CELSR3: variants seen among roughly 807,000 people sequenced by gnomAD.
The protein encoded by CELSR3 is EGF-like protein 1.
CELSR3 carries 73 observed loss-of-function variants against 270.0 expected under a neutral mutation model. The observed-to-expected ratio is 0.27, with a 90% CI of 0.22 to 0.33. CELSR3 has a LOEUF of 0.33. CELSR3 is among the 10% of genes least tolerant of loss of function. The pLI is 1.00. For synonymous variants in CELSR3, 1,780 were observed against 1,905.4 expected (o/e 0.93, Z 1.71); for missense variants, 3,614 against 4,533.8 (o/e 0.80, Z 5.83).
chr3:48,650,436 C>A lies in CELSR3; in HGVS notation c.6472+44G>T, dbSNP rs1368215771. Reference sequence around the variant, plus strand: ...ATGGCTCTAGCAGTCAGAGTACAGGCCCACCCCCACCCTCAGTGATGTCCT... The same window carrying A: ...ATGGCTCTAGCAGTCAGAGTACAGGACCACCCCCACCCTCAGTGATGTCCT... On this transcript the variant is annotated intron_variant, in intron 16 of 34. Coordinates refer to ENST00000164024, the MANE Select transcript of CELSR3 (RefSeq NM_001407.3). The surrounding 1 kb of genome is among the most constrained non-coding windows in gnomAD (Gnocchi z 5.1). 5.3e-6 allele frequency: 3 copies of A among 568,232 alleles called. No homozygotes were observed. The highest frequency in any genetic ancestry group is 4.9e-5 in the East Asian group (1 of 20,456). The allele number at this position is 568,232 out of a possible 1,614,324, so 35.2% of individuals were successfully genotyped here.
chr3:48,642,433 C>A lies in CELSR3; in HGVS notation c.8590G>T (p.Asp2864Tyr). Residue 2864 changes from aspartate to tyrosine, a missense_variant, in exon 31 of 35, where the codon GAC becomes TAC. Physicochemically the swap from Asp to Tyr is radical, Grantham distance 160. Around this residue, in one of 7 missense-constraint regions of CELSR3, gnomAD observed 1,240 missense variants for 1,351.7 expected, o/e 0.92. Transcript: ENST00000164024. The surrounding 1 kb of genome is among the most constrained non-coding windows in gnomAD (Gnocchi z 6.1). ...NVLVRHGSAA[D>Y]HTDHSLQAHA... ...GCCTGGAGGCTGTGGTCAGTGTGGT[C>A]AGCGGCTGAGCCATGTCGAACCAGG... The A allele has an allele frequency of 6.2e-7, 1 of 1,613,130 alleles. No homozygotes were observed. Among genetic ancestry groups the A allele is most frequent in the South Asian group, 1.1e-5 (1 of 91,032 alleles).
chr3:48,653,184 C>G lies in CELSR3; in HGVS notation c.5452G>C (p.Asp1818His). ...ACTGTCACAGACAGTAACCCCCGAT[C>G]TAGCTGTGGGCAGAGATGCATAGCC... ...GPHSTLLCQL[D>H]RGLLSVTVTR... is the part of the protein sequence containing the mutation. The change falls in exon 10 of 35, where the codon GAT (aspartate) becomes CAT (histidine). Residue 1818 changes from aspartate (D) to histidine (H), a missense_variant. Coordinates refer to ENST00000164024, the MANE Select transcript of CELSR3 (RefSeq NM_001407.3). This position sits in a 1 kb window ranked among gnomAD's most constrained non-coding sequence, Gnocchi z 6.5. 6.2e-7 allele frequency: 1 copy of G among 1,612,966 alleles called. No individual in the cohort carries two copies. Among genetic ancestry groups the G allele is most frequent in the Non-Finnish European group, 8.5e-7 (1 of 1,179,854 alleles).
rs757936835 is a variant in CELSR3 at position 48,647,870 on chromosome 3, G to T, written c.7100C>A (p.Ser2367Tyr). The T allele has an allele frequency of 6.2e-7, 1 of 1,611,206 alleles. No homozygotes were observed. The highest frequency in any genetic ancestry group is 8.5e-7 in the Non-Finnish European group (1 of 1,179,590). Residue 2367 changes from serine (S) to tyrosine (Y), a missense_variant, in exon 20 of 35, where the codon TCC (serine) becomes TAC (tyrosine). This residue lies in a region of CELSR3 where 1,240 missense variants were observed against 1,351.7 expected (regional missense o/e 0.92). Coordinates refer to ENST00000164024, the MANE Select transcript of CELSR3 (RefSeq NM_001407.3). ...AGATGGGGATGGCCGTGGGGACTGG[G>T]AAGGCAGCAGCACATGGGTGTGAGG... ...WDPHTHVLLP[S>Y]QSPRPSPSEV... is the part of the protein sequence containing the mutation.
In CELSR3 at chr3:48,642,090, G is replaced by T; in HGVS notation, c.8666-81C>A. 2 of 1,374,120 alleles carry T rather than the reference G, an allele frequency of 1.5e-6. No individual in the cohort carries two copies. The highest frequency in any genetic ancestry group is 2.0e-6 in the Non-Finnish European group (2 of 1,020,938). 85.1% of individuals were successfully genotyped at this position (1,374,120 alleles called of 1,614,324 possible). A position where few individuals can be genotyped will look rare whatever the true frequency, so the allele number is the denominator to read the frequency against. On this transcript the variant is annotated intron_variant, in intron 31 of 34. Transcript: ENST00000164024. This position sits in a 1 kb window ranked among gnomAD's most constrained non-coding sequence, Gnocchi z 6.1. ...AATTTGGAGTTGAGGGTCTAGAGGT[G>T]GGTACGGCAAGGGGGTTAGGGTTGG...
chr3:48,652,404 T>C lies in CELSR3; in HGVS notation c.5751+33A>G. 2 of 1,520,068 alleles carry C rather than the reference T, an allele frequency of 1.3e-6. No homozygotes were observed. Among genetic ancestry groups the C allele is most frequent in the Non-Finnish European group, 1.8e-6 (2 of 1,094,512 alleles). The allele number at this position is 1,520,068 out of a possible 1,614,324, so 94.2% of individuals were successfully genotyped here. On this transcript the variant is annotated intron_variant, in intron 11 of 34. Transcript: ENST00000164024. The surrounding 1 kb of genome is among the most constrained non-coding windows in gnomAD (Gnocchi z 4.3). ...CCTGACTTCTGACCCCTGACCCTAA[T>C]GCCCCATATCACATTCCCATGCTGA...
chr3:48,641,089 A>G lies in CELSR3; in HGVS notation c.9025+235T>C. The G allele has an allele frequency of 1.8e-6, 1 of 552,120 alleles. No individual in the cohort carries two copies. The allele number at this position is 552,120 out of a possible 1,614,324, so 34.2% of individuals were successfully genotyped here. ...TGAAAAACAGATGGGCTGGGGCAGG[A>G]GTGGTCGCCTGTGGTCCCCCTGTGG... On this transcript the variant is annotated intron_variant, in intron 33 of 34. Coordinates refer to ENST00000164024, the MANE Select transcript of CELSR3 (RefSeq NM_001407.3). This position sits in a 1 kb window ranked among gnomAD's most constrained non-coding sequence, Gnocchi z 4.8.
Position 48,657,170 on chromosome 3 carries a change from G to T in CELSR3, c.3927C>A (p.Asp1309Glu). The T allele has an allele frequency of 1.2e-6, 2 of 1,613,982 alleles. No homozygotes were observed. The highest frequency in any genetic ancestry group is 1.7e-6 in the Non-Finnish European group (2 of 1,179,948). The change falls in exon 2 of 35, where the codon GAC becomes GAA. Residue 1309 changes from aspartate to glutamate, a missense_variant. By Grantham distance (45) the Asp-to-Glu change is conservative (BLOSUM62 2). Around this residue, in one of 7 missense-constraint regions of CELSR3, gnomAD observed 1,331 missense variants for 1,933.7 expected, o/e 0.69. Coordinates refer to ENST00000164024, the MANE Select transcript of CELSR3 (RefSeq NM_001407.3). This position sits in a 1 kb window ranked among gnomAD's most constrained non-coding sequence, Gnocchi z 5.4. ...VAAVLATPAEDVFIFNIQNDT... is the reference protein window; with the variant it reads ...VAAVLATPAEEVFIFNIQNDT... ...CGTTCTGGATGTTGAAGATGAAGAC[G>T]TCCTCAGCGGGCGTAGCGAGCACCG... is the stretch of plus-strand genomic sequence containing the variant.
Position 48,639,026 on chromosome 3 carries a change from A to C in CELSR3, c.9911+648T>G, listed in dbSNP as rs2046999049. Among the ~76,000 whole-genome samples the C allele has an allele frequency of 6.6e-6, 1 of 151,634 alleles. No individual in the cohort carries two copies. The highest frequency in any genetic ancestry group is 2.4e-5 in the African/African-American group (1 of 41,198). On this transcript the variant is annotated intron_variant, in intron 34 of 34. Transcript: ENST00000164024. This position sits in a 1 kb window ranked among gnomAD's most constrained non-coding sequence, Gnocchi z 4.1. ...CTCCTGGTTCCTCCCCACTCCCACC[A>C]GTCCCTCTCGGACTCCTGTGTATCC... is the stretch of plus-strand genomic sequence containing the variant.
At position 48,640,892 on chromosome 3, in the gene CELSR3, A is replaced by C; in HGVS notation, c.9026-333T>G. 1 of 423,700 alleles carries C rather than the reference A, an allele frequency of 2.4e-6. No homozygotes were observed. The allele number at this position is 423,700 out of a possible 1,614,324, so 26.2% of individuals were successfully genotyped here. A position where few individuals can be genotyped will look rare whatever the true frequency, so the allele number is the denominator to read the frequency against. On this transcript the variant is annotated intron_variant, in intron 33 of 34. Transcript: ENST00000164024. This position sits in a 1 kb window ranked among gnomAD's most constrained non-coding sequence, Gnocchi z 7.5. ...ATGCAGGCCTGGCTGAAATGCAGGAACCCCCCGGGTTGGACAGGAGCAGTC... is the reference window on the plus strand; with the variant it reads ...ATGCAGGCCTGGCTGAAATGCAGGACCCCCCCGGGTTGGACAGGAGCAGTC...
At chr3:48,647,761 T>C (rs977815082) in intron 20 of CELSR3, 80 bp downstream of exon 20, 2 of 1,445,132 alleles carry the variant, frequency 1.4e-6, no homozygotes, top group East Asian at 2.3e-5. Context: ...AAGGGGAAAA[T>C]TGGCAGGAGG....
chr3:48,640,585 A>G lies in CELSR3; in HGVS notation c.9026-26T>C. 5 of 1,382,094 alleles carry G rather than the reference A, an allele frequency of 3.6e-6. No individual in the cohort carries two copies. Among genetic ancestry groups the G allele is most frequent in the Admixed American group, 2.2e-5 (1 of 45,500 alleles). The allele number at this position is 1,382,094 out of a possible 1,614,324, so 85.6% of individuals were successfully genotyped here. On this transcript the variant is annotated intron_variant, in intron 33 of 34. Coordinates refer to ENST00000164024, the MANE Select transcript of CELSR3 (RefSeq NM_001407.3). The surrounding 1 kb of genome is among the most constrained non-coding windows in gnomAD (Gnocchi z 7.5). ...CTGTGAGAGGAAGAAAATGGGGGGCAGGGTTTGTGTGGGAGGGGGAGGGCA... is the reference window on the plus strand; with the variant it reads ...CTGTGAGAGGAAGAAAATGGGGGGCGGGGTTTGTGTGGGAGGGGGAGGGCA...
At chr3:48,638,528 C>T (rs2046993851) in intron 34 of CELSR3, among the ~76,000 whole-genome samples, 1 of 152,196 alleles carries the variant, frequency 6.6e-6, no homozygotes, top group Non-Finnish European at 1.5e-5. Flanking sequence ...TAGATTTCCA[C>T]ATCTCAAAGA....
chr3:48,639,988 G>T lies in CELSR3; in HGVS notation c.9597C>A (p.Asn3199Lys), dbSNP rs1268394773. ...GCACCTGGTCCAGCTGCTCCCGAGA[G>T]TTCGAGCTCCTAGACAGAGAGTCCA... ...RPLDSLSRSS[N>K]SREQLDQVPS... The change falls in exon 34 of 35, where the codon AAC (asparagine) becomes AAA (lysine). Residue 3199 changes from asparagine (N) to lysine (K), a missense_variant. Physicochemically the swap from Asn to Lys is moderately conservative, Grantham distance 94. Coordinates refer to ENST00000164024, the MANE Select transcript of CELSR3 (RefSeq NM_001407.3). This position sits in a 1 kb window ranked among gnomAD's most constrained non-coding sequence, Gnocchi z 4.1. The T allele has an allele frequency of 6.2e-7, 1 of 1,612,664 alleles. No homozygotes were observed. The highest frequency in any genetic ancestry group is 8.5e-7 in the Non-Finnish European group (1 of 1,180,000).
Position 48,660,337 on chromosome 3 carries a change from A to G in CELSR3, c.2298T>C (p.Asn766=). Residue 766 remains asparagine, a synonymous_variant, in exon 1 of 35, where the codon AAT becomes AAC. Transcript: ENST00000164024. The surrounding 1 kb of genome is among the most constrained non-coding windows in gnomAD (Gnocchi z 5.5). ...CACTGGTGCCCACAGCTGCATCCTC[A>G]TTCAGTCGTAGGTGGTACTCCTTCA... The part of the protein sequence containing the change: ...FTMKEYHLRL[N]EDAAVGTSVV... 1 of 1,614,132 alleles carries G rather than the reference A, an allele frequency of 6.2e-7. No individual in the cohort carries two copies. The highest frequency in any genetic ancestry group is 8.5e-7 in the Non-Finnish European group (1 of 1,180,018).
chr3:48,642,245 TG>T lies in CELSR3; in HGVS notation c.8665+112del. On this transcript the variant is annotated intron_variant, in intron 31 of 34. Transcript: ENST00000164024. This position sits in a 1 kb window ranked among gnomAD's most constrained non-coding sequence, Gnocchi z 6.1. ...TAGGTGCCTCCTGAGGCAGGGACCC[TG>T]GGGGAGATCGTCCCACCCCAGTCAG... The T allele has an allele frequency of 8.4e-7, 1 of 1,192,118 alleles. No homozygotes were observed. Among genetic ancestry groups the T allele is most frequent in the Non-Finnish European group, 1.2e-6 (1 of 860,300 alleles). 73.8% of individuals were successfully genotyped at this position (1,192,118 alleles called of 1,614,324 possible). A position where few individuals can be genotyped will look rare whatever the true frequency, so the allele number is the denominator to read the frequency against.
chr3:48,657,319 C>G lies in CELSR3; in HGVS notation c.3778G>C (p.Val1260Leu). Residue 1260 changes from valine to leucine, a missense_variant, in exon 2 of 35, where the codon GTG becomes CTG. This residue lies in a region of CELSR3 where 1,331 missense variants were observed against 1,933.7 expected (regional missense o/e 0.69). Transcript: ENST00000164024. This position sits in a 1 kb window ranked among gnomAD's most constrained non-coding sequence, Gnocchi z 5.4. ...DGLHSVTAQC[V>L]LRVVIITEEL... ...TCCGTGATGATGACCACGCGCAGCACACACTGCGCCGTCACGCTGTGCAGG... is the reference window on the plus strand; with the variant it reads ...TCCGTGATGATGACCACGCGCAGCAGACACTGCGCCGTCACGCTGTGCAGG... 6.2e-7 allele frequency: 1 copy of G among 1,606,712 alleles called. No homozygotes were observed. Among genetic ancestry groups the G allele is most frequent in the Non-Finnish European group, 8.5e-7 (1 of 1,176,834 alleles).
chr3:48,660,535 C>T lies in CELSR3; in HGVS notation c.2100G>A (p.Val700=). The change falls in exon 1 of 35, where the codon GTG becomes GTA. Residue 700 remains valine, a synonymous_variant. Coordinates refer to ENST00000164024, the MANE Select transcript of CELSR3 (RefSeq NM_001407.3). This position sits in a 1 kb window ranked among gnomAD's most constrained non-coding sequence, Gnocchi z 5.5. Reference sequence around the variant, plus strand: ...AGACCCAGCCAGTGGCGCTGTTTATCACAAAAGGAGTATCAGGTGCCACAC... The same window carrying T: ...AGACCCAGCCAGTGGCGCTGTTTATTACAAAAGGAGTATCAGGTGCCACAC... The part of the protein sequence containing the change: ...LTGVAPDTPF[V]INSATGWVSV... 1 of 1,614,192 alleles carries T rather than the reference C, an allele frequency of 6.2e-7. No individual in the cohort carries two copies. The highest frequency in any genetic ancestry group is 8.5e-7 in the Non-Finnish European group (1 of 1,180,028).
Position 48,658,341 on chromosome 3 carries a change from G to A in CELSR3, c.3748+546C>T, listed in dbSNP as rs2106720199. Among the ~76,000 whole-genome samples the A allele has an allele frequency of 6.6e-6, 1 of 152,274 alleles. No individual in the cohort carries two copies. The highest frequency in any genetic ancestry group is 1.9e-4 in the East Asian group (1 of 5,190). On this transcript the variant is annotated intron_variant, in intron 1 of 34. Coordinates refer to ENST00000164024, the MANE Select transcript of CELSR3 (RefSeq NM_001407.3). The surrounding 1 kb of genome is among the most constrained non-coding windows in gnomAD (Gnocchi z 4.7). ...GGTTTCTGAAAGACTGGAGCAGATG[G>A]GGCAGGAAAGAGGCAAGTGGACCTC...
Position 48,637,059 on chromosome 3 carries a change from TAA to T in CELSR3, c.*1144_*1145del. On this transcript the variant is annotated 3_prime_UTR_variant, in exon 35 of 35. Transcript: ENST00000164024. ...TCAAAGTTTTGAGTTGTAAACAAAG[TAA>T]AAACATTTTTTGAATCTGGACTTGT... is the stretch of plus-strand genomic sequence containing the variant. The T allele has an allele frequency of 6.6e-6, 1 of 152,516 alleles. No homozygotes were observed. Among genetic ancestry groups the T allele is most frequent in the East Asian group, 1.9e-4 (1 of 5,204 alleles). The allele number at this position is 152,516 out of a possible 1,614,324, so 9.4% of individuals were successfully genotyped here. A position where few individuals can be genotyped will look rare whatever the true frequency, so the allele number is the denominator to read the frequency against.
Sources: gnomAD v4.1 joint callset for allele counts (sites outside exome capture counted in the v4.1 genomes callset) on GRCh38, gnomAD v4.1.1 for gene constraint, gnomAD v4.1.1 regional missense constraint, Gnocchi (gnomAD v3.1) non-coding constraint, MANE v1.5 for transcripts, NCBI Gene and HGNC (gene_info 2026-07-23, HGNC 2026-07-21) for gene names.